Variants in CNTNAP2 observed in about 807,000 individuals in gnomAD.
CNTNAP2 encodes the protein contactin associated protein 2, also known as contactin-associated protein-like 2.
A neutral mutation model predicts 155.2 loss-of-function variants in CNTNAP2; 98 were observed. The ratio of observed to expected loss-of-function variants is 0.63; its 90% CI spans 0.54 to 0.75. The LOEUF (loss-of-function observed/expected upper bound fraction) is 0.75. CNTNAP2 is among the 30% of genes least tolerant of loss of function. CNTNAP2 has a pLI of 0.00. For missense variants in CNTNAP2, 1,727 were observed against 1,688.1 expected (o/e 1.02, Z -0.40); for synonymous variants, 651 against 631.2 (o/e 1.03, Z -0.47).
intron 13 of CNTNAP2, among the ~76,000 whole-genome samples, chr7:147,717,623 A>G (rs1413395887): frequency 6.6e-6 from 1 of 152,152 alleles, no homozygotes. Context: ...AAATCACAGA[A>G]TATTTATCCT....
chr7:146,511,406 A>G (rs1039608679), intron 1 of CNTNAP2, among the ~76,000 whole-genome samples: 5 of 152,204 alleles, frequency 3.3e-5, no homozygotes, highest in African/African-American at 1.2e-4. Context: ...TCCATTTAGT[A>G]TGACAATAGC....
chr7:147,262,311 G>A (rs571883782), intron 8 of CNTNAP2, among the ~76,000 whole-genome samples: 243 of 152,250 alleles, frequency 1.6e-3, no homozygotes, highest in Non-Finnish European at 1.2e-3. Flanking sequence ...GGTGTGTTAC[G>A]GGCTGAACTG....
At chr7:147,948,614 T>G (rs13242781) in intron 14 of CNTNAP2, among the ~76,000 whole-genome samples, 33,741 of 148,648 alleles carry the variant, frequency 0.23, 5,077 homozygotes, top group East Asian at 0.56. Flanking sequence ...TGTATGTATA[T>G]ATACATATAT....
chr7:147,060,863 C>CA (rs67473108), intron 4 of CNTNAP2, among the ~76,000 whole-genome samples: 37 of 122,220 alleles, frequency 3.0e-4, no homozygotes, highest in East Asian at 8.4e-4. Context: ...GACTCTGTCT[C>CA]AAAAAAAAAA....
rs555208641 is a variant in CNTNAP2, at chr7:148,368,835, G to T, written c.3476-14814G>T. ...AGACTGAGACAGAACAGACCAGGAA[G>T]TTTCACAGTGTCTTTCTATACAATG... On this transcript the variant is annotated intron_variant, in intron 21 of 23. Coordinates refer to ENST00000361727, the MANE Select transcript of CNTNAP2 (RefSeq NM_014141.6). 3.3e-5 allele frequency among the ~76,000 whole-genome samples: 5 copies of T among 152,210 alleles called. No homozygotes were observed. In the South Asian group the frequency reaches 8.3e-4, roughly 25 times the overall value.
intron 10 of CNTNAP2, among the ~76,000 whole-genome samples, chr7:147,444,259 G>T (rs181529120): frequency 6.6e-6 from 1 of 152,238 alleles, no homozygotes; most frequent in East Asian, 1.9e-4. Context: ...TGTAACAACT[G>T]GCCAAAGCCC....
chr7:148,352,482 T>C (rs1376843898), intron 21 of CNTNAP2, among the ~76,000 whole-genome samples: 2 of 152,244 alleles, frequency 1.3e-5, no homozygotes, highest in East Asian at 3.8e-4. Context: ...AATTGTATCC[T>C]ATAAAAGATA....
At chr7:146,683,174 C>G (rs975298587) in intron 1 of CNTNAP2, among the ~76,000 whole-genome samples, 1 of 152,130 alleles carries the variant, frequency 6.6e-6, no homozygotes, top group African/African-American at 2.4e-5. Flanking sequence ...GCTGGGATTA[C>G]AGGCACCTGC....
chr7:147,350,459 A>G (rs766589241), intron 9 of CNTNAP2, among the ~76,000 whole-genome samples: 4 of 151,892 alleles, frequency 2.6e-5, no homozygotes, highest in Non-Finnish European at 5.9e-5. Context: ...TAAATAATGT[A>G]TGATTCTTTA....
chr7:147,993,632 C>G (rs1801753061), intron 15 of CNTNAP2, among the ~76,000 whole-genome samples: 1 of 152,208 alleles, frequency 6.6e-6, no homozygotes, highest in Non-Finnish European at 1.5e-5. Flanking sequence ...TGATTCCACT[C>G]TGAACTTTAG....
At chr7:147,166,846 G>A (rs965000632) in intron 8 of CNTNAP2, among the ~76,000 whole-genome samples, 4 of 152,082 alleles carry the variant, frequency 2.6e-5, no homozygotes, top group South Asian at 2.1e-4. Context: ...AGACAGGAAC[G>A]GCCATCTGGA....
intron 13 of CNTNAP2, among the ~76,000 whole-genome samples, chr7:147,683,780 C>T (rs573238689): frequency 6.0e-5 from 9 of 148,854 alleles, no homozygotes; most frequent in African/African-American, 9.9e-5. Flanking sequence ...CTACAGAATC[C>T]GTCAATATCC....
intron 1 of CNTNAP2, among the ~76,000 whole-genome samples, chr7:146,225,827 A>G (rs1457395765): frequency 6.6e-6 from 1 of 152,176 alleles, no homozygotes; most frequent in Non-Finnish European, 1.5e-5. Context: ...TTAAGAAATA[A>G]TTTCATATAA....
rs140504453 is a variant in CNTNAP2, at chr7:147,822,538, A to G, written c.2099-81027A>G. Among the ~76,000 whole-genome samples the G allele has an allele frequency of 3.2e-3, 482 of 152,242 alleles. 2 individuals are homozygous for G. Among genetic ancestry groups the G allele is most frequent in the African/African-American group, 0.011 (460 of 41,560 alleles). On this transcript the variant is annotated intron_variant, in intron 13 of 23. Coordinates refer to ENST00000361727, the MANE Select transcript of CNTNAP2 (RefSeq NM_014141.6). ...TAGATATATTTTTGGAGTGTTGTCTATTTTGTCAGCCTGCCAGATTATGTC... is the reference window on the plus strand; with the variant it reads ...TAGATATATTTTTGGAGTGTTGTCTGTTTTGTCAGCCTGCCAGATTATGTC...
intron 15 of CNTNAP2, among the ~76,000 whole-genome samples, chr7:148,089,577 A>C (rs1425600207): frequency 2.6e-5 from 4 of 151,860 alleles, no homozygotes; most frequent in African/African-American, 4.8e-5. Flanking sequence ...TACTTAAGAA[A>C]AATTTAACCA....
At chr7:146,433,911 A>T (rs1173629665) in intron 1 of CNTNAP2, among the ~76,000 whole-genome samples, 1 of 152,156 alleles carries the variant, frequency 6.6e-6, no homozygotes, top group Non-Finnish European at 1.5e-5. Context: ...CACCTTTCAA[A>T]AGTCCTTCTT....
intron 8 of CNTNAP2, among the ~76,000 whole-genome samples, chr7:147,166,969 A>G (rs1802125601): frequency 6.6e-6 from 1 of 152,168 alleles, no homozygotes; most frequent in Admixed American, 6.5e-5. Context: ...CCCAGTTTTT[A>G]AACAAACCCA....
intron 1 of CNTNAP2, among the ~76,000 whole-genome samples, chr7:146,704,259 C>T (rs780326529): frequency 2.3e-4 from 35 of 152,122 alleles, no homozygotes; most frequent in Admixed American, 5.2e-4. Flanking sequence ...ATGCTACATG[C>T]GTTATAAGCT....
Position 147,764,768 on chromosome 7 carries a change from T to C in CNTNAP2, c.2098+125462T>C, listed in dbSNP as rs117094516. On this transcript the variant is annotated intron_variant, in intron 13 of 23. Coordinates refer to ENST00000361727, the MANE Select transcript of CNTNAP2 (RefSeq NM_014141.6). ...AGAGTAAATCACAACACCTACAAGA[T>C]GTTTTATGACTAAGTTAATTTTTTT... Among the ~76,000 whole-genome samples, 56 of 152,248 alleles carry C rather than the reference T, an allele frequency of 3.7e-4. No homozygotes were observed. The East Asian group carries it at 7.1e-3, about 19-fold the overall frequency.
Sources: gnomAD v4.1 joint callset for allele counts (sites outside exome capture counted in the v4.1 genomes callset) on GRCh38, gnomAD v4.1.1 for gene constraint, MANE v1.5 for transcripts, NCBI Gene and HGNC (gene_info 2026-07-23, HGNC 2026-07-21) for gene names.